Variants in SLC12A8 observed in about 807,000 individuals in gnomAD.
SLC12A8 encodes cation-chloride cotransporter 9.
Under a neutral mutation model 75.6 loss-of-function variants are expected in SLC12A8, and 69 were observed. The observed-to-expected ratio is 0.91, with a 90% CI of 0.75 to 1.11. The LOEUF (loss-of-function observed/expected upper bound fraction) is 1.11, where lower values mean the gene tolerates loss of function less well. Ranked by LOEUF, SLC12A8 falls within the 50% of genes most tolerant of loss-of-function variation. The pLI is 0.00. For synonymous variants in SLC12A8, 365 were observed against 372.8 expected, an observed-to-expected ratio of 0.98 and a Z score of 0.24; for missense variants, 877 against 896.7, an observed-to-expected ratio of 0.98 and a Z score of 0.28.
chr3:125,106,003 C>T lies in SLC12A8; in HGVS notation c.1705+1478G>A, dbSNP rs534890689. 2.4e-4 allele frequency among the ~76,000 whole-genome samples: 37 copies of T among 152,224 alleles called. No individual in the cohort carries two copies. The South Asian group carries it at 6.9e-3, about 28-fold the overall frequency. ...TGAGATCGCACCAAATCCTCATTTA[C>T]CATAACAGCAACTCAAAAGATGATG... On this transcript the variant is annotated intron_variant, in intron 10 of 13. Coordinates refer to ENST00000469902, the MANE Select transcript of SLC12A8 (RefSeq NM_024628.6).
intron 7 of SLC12A8, among the ~76,000 whole-genome samples, 173 bp downstream of exon 7, chr3:125,120,426 G>A (rs1265009588): frequency 6.6e-6 from 1 of 152,140 alleles, no homozygotes; most frequent in Admixed American, 6.5e-5. Context: ...GGCAGTGTCT[G>A]AACCCACCAG....
Position 125,135,731 on chromosome 3 carries a change from G to T in SLC12A8, c.674C>A (p.Pro225His), listed in dbSNP as rs566531809. Residue 225 changes from proline (P) to histidine (H), a missense_variant, in exon 6 of 14, where the codon CCC becomes CAC. Transcript: ENST00000469902. ...SPELLQNNTL[P>H]DYSPGESFFT... is the part of the protein sequence containing the mutation. ...AAAAGATTCCCCCGGGCTGTAATCG[G>T]GCAGCGTGTTGTTCTGTAGCAGTTC... 6.2e-7 allele frequency: 1 copy of T among 1,610,448 alleles called. No homozygotes were observed. The highest frequency in any genetic ancestry group is 1.3e-5 in the African/African-American group (1 of 74,992).
intron 6 of SLC12A8, among the ~76,000 whole-genome samples, chr3:125,131,932 G>A (rs504300): frequency 6.6e-6 from 1 of 152,154 alleles, no homozygotes. Context: ...TGGGGAGCCG[G>A]TAAGACCCCC....
chr3:125,150,640 G>C (rs1038883711), intron 5 of SLC12A8, among the ~76,000 whole-genome samples: 9 of 152,148 alleles, frequency 5.9e-5, no homozygotes, highest in Non-Finnish European at 1.0e-4. Context: ...AGAGAACATT[G>C]CAAGCCTGAG....
intron 10 of SLC12A8, among the ~76,000 whole-genome samples, chr3:125,100,394 A>G (rs546325641): frequency 3.7e-4 from 56 of 151,954 alleles, no homozygotes; most frequent in African/African-American, 1.3e-3. Flanking sequence ...ATAGATATGC[A>G]ATTATATATA....
intron 10 of SLC12A8, among the ~76,000 whole-genome samples, chr3:125,106,646 C>T (rs544259114): frequency 3.9e-5 from 6 of 152,248 alleles, no homozygotes; most frequent in East Asian, 1.9e-4. Context: ...CCACCGCGCC[C>T]GGCCAAAACA....
chr3:125,102,762 G>C (rs900645905), intron 10 of SLC12A8, among the ~76,000 whole-genome samples: 1 of 152,122 alleles, frequency 6.6e-6, no homozygotes, highest in Admixed American at 6.5e-5. Flanking sequence ...GAATGAAACA[G>C]ACATAAACCC....
intron 5 of SLC12A8, among the ~76,000 whole-genome samples, chr3:125,155,750 CA>C (rs1159877630): frequency 0.015 from 1,048 of 69,422 alleles, 9 homozygotes; most frequent in African/African-American, 0.045. Flanking sequence ...GACTCTGTCT[CA>C]AAAAAAAAAA....
intron 2 of SLC12A8, among the ~76,000 whole-genome samples, chr3:125,196,733 A>G (rs1400008486): frequency 6.6e-6 from 1 of 152,212 alleles, no homozygotes; most frequent in East Asian, 1.9e-4. Context: ...GTTTAAGACC[A>G]GCCTGAGCAA....
chr3:125,146,037 C>CACAGGGAACACCTCTTCGCACCA (rs1933765125), intron 5 of SLC12A8, among the ~76,000 whole-genome samples: 1 of 152,142 alleles, frequency 6.6e-6, no homozygotes, highest in Non-Finnish European at 1.5e-5. Flanking sequence ...ACTTTGTTGC[C>CACAGGGAACACCTCTTCGCACCA]CAGGCTGGTC....
chr3:125,145,393 A>C (rs1933748521), intron 5 of SLC12A8, among the ~76,000 whole-genome samples: 2 of 152,234 alleles, frequency 1.3e-5, no homozygotes, highest in African/African-American at 2.4e-5. Context: ...CAATGGAAAC[A>C]ACCCAAATGT....
chr3:125,152,171 A>G (rs1933940354), intron 5 of SLC12A8, among the ~76,000 whole-genome samples: 2 of 152,246 alleles, frequency 1.3e-5, no homozygotes, highest in Non-Finnish European at 2.9e-5. Context: ...GGGGCAGAGA[A>G]AGCAAGAAGT....
At chr3:125,124,612 C>T (rs368834521) in intron 6 of SLC12A8, among the ~76,000 whole-genome samples, 1 of 152,226 alleles carries the variant, frequency 6.6e-6, no homozygotes, top group African/African-American at 2.4e-5. Context: ...AGGCATGAGC[C>T]ACCGTGCCTG....
At chr3:125,202,456 T>C (rs758750507) in intron 2 of SLC12A8, among the ~76,000 whole-genome samples, 1 of 152,118 alleles carries the variant, frequency 6.6e-6, no homozygotes, top group Non-Finnish European at 1.5e-5. Flanking sequence ...GAATAGTACT[T>C]CAGAGGCATT....
At chr3:125,166,645 C>T (rs1934297397) in intron 5 of SLC12A8, among the ~76,000 whole-genome samples, 4 of 152,152 alleles carry the variant, frequency 2.6e-5, no homozygotes, top group African/African-American at 9.7e-5. Context: ...CTGTGCAAAC[C>T]CCTCTCACAC....
At chr3:125,176,214 A>G (rs143902302) in intron 5 of SLC12A8, among the ~76,000 whole-genome samples, 1 of 152,176 alleles carries the variant, frequency 6.6e-6, no homozygotes, top group Non-Finnish European at 1.5e-5. Flanking sequence ...CAGCTTTAGC[A>G]TCAAACAGAT....
chr3:125,143,508 G>A (rs1933698182), intron 5 of SLC12A8, among the ~76,000 whole-genome samples: 1 of 152,236 alleles, frequency 6.6e-6, no homozygotes, highest in African/African-American at 2.4e-5. Context: ...AGAGGGTGGA[G>A]AGAGGATGTG....
chr3:125,206,260 G>C (rs780920482), intron 2 of SLC12A8, among the ~76,000 whole-genome samples: 6 of 152,200 alleles, frequency 3.9e-5, no homozygotes, highest in Non-Finnish European at 5.9e-5. Context: ...CTCAAAATTG[G>C]ATATGTCAGG....
At chr3:125,163,069 C>G (rs1243692687) in intron 5 of SLC12A8, among the ~76,000 whole-genome samples, 3 of 152,006 alleles carry the variant, frequency 2.0e-5, no homozygotes, top group Non-Finnish European at 4.4e-5. Context: ...TTTGGGAGGC[C>G]AAGACAGGTG....
Sources: allele counts gnomAD v4.1 joint callset (sites outside exome capture counted in the v4.1 genomes callset), GRCh38; gene constraint gnomAD v4.1.1; transcripts MANE v1.5; gene names NCBI Gene and HGNC (gene_info 2026-07-23, HGNC 2026-07-21).